The following FAM240B variants were observed in gnomAD, a reference collection of about 807,000 sequenced individuals.
FAM240B encodes the protein family with sequence similarity 240 member B.
At chr9:38,712,666 G>T (rs1307980777) in intron 1 of FAM240B, among the ~76,000 whole-genome samples, 1 of 152,202 alleles carries the variant, frequency 6.6e-6, no homozygotes, top group Non-Finnish European at 1.5e-5. Flanking sequence ...CATCACAGAA[G>T]TGACAGTGAA....
intron 1 of FAM240B, among the ~76,000 whole-genome samples, chr9:38,717,672 C>T (rs1457956145): frequency 2.0e-5 from 3 of 151,586 alleles, no homozygotes; most frequent in Non-Finnish European, 4.4e-5. Flanking sequence ...TTAGTAGAGA[C>T]GGGGTTTCAC....
chr9:38,713,204 C>T (rs558989243), intron 1 of FAM240B, among the ~76,000 whole-genome samples: 15 of 152,038 alleles, frequency 9.9e-5, no homozygotes, highest in East Asian at 1.9e-4. Flanking sequence ...TTCGGCCGGG[C>T]GCAGTGGCTC....
intron 1 of FAM240B, among the ~76,000 whole-genome samples, chr9:38,713,083 C>A (rs545788586): frequency 7.2e-5 from 11 of 152,246 alleles, no homozygotes; most frequent in African/African-American, 2.6e-4. Flanking sequence ...GCTCAGGGAG[C>A]CTTGCTGACT....
intron 1 of FAM240B, among the ~76,000 whole-genome samples, chr9:38,713,096 A>T (rs1174610864): frequency 3.9e-5 from 6 of 152,162 alleles, no homozygotes; most frequent in Admixed American, 2.6e-4. Flanking sequence ...TGCTGACTAA[A>T]TCAAATAGGA....
At chr9:38,718,421 C>T (rs1271289078) in intron 1 of FAM240B, among the ~76,000 whole-genome samples, 1 of 152,134 alleles carries the variant, frequency 6.6e-6, no homozygotes, top group Non-Finnish European at 1.5e-5. Flanking sequence ...CTTTCAGTCT[C>T]AATGACATAA....
chr9:38,704,126 G>A (rs1157715207), intron 1 of FAM240B, 124 bp from the exon 2 acceptor site: 3 of 372,386 alleles, frequency 8.1e-6, no homozygotes, highest in South Asian at 1.5e-4. Context: ...TTTTTTTTTG[G>A]TGACTGTAGA....
At position 38,713,196 on chromosome 9, in the gene FAM240B, C is replaced by T. The variant is rs148513560; in HGVS notation, c.-4+6826G>A. Among the ~76,000 whole-genome samples the T allele has an allele frequency of 2.0e-4, 30 of 152,098 alleles. No individual in the cohort carries two copies. The East Asian group carries it at 4.8e-3, about 25-fold the overall frequency. On this transcript the variant is annotated intron_variant, in intron 1 of 2. Transcript: ENST00000637493. Reference sequence around the variant, plus strand: ...TCAGTCTAGTTCAAGAATTAGATTTCGGCCGGGCGCAGTGGCTCACGCCTG... The same window carrying T: ...TCAGTCTAGTTCAAGAATTAGATTTTGGCCGGGCGCAGTGGCTCACGCCTG...
At chr9:38,696,396 T>A (rs951452215) in intron 2 of FAM240B, among the ~76,000 whole-genome samples, 2 of 152,098 alleles carry the variant, frequency 1.3e-5, no homozygotes, top group African/African-American at 4.8e-5. Flanking sequence ...GAAAACTTCT[T>A]ACTTACAACT....
chr9:38,714,476 C>T (rs965633998), intron 1 of FAM240B, among the ~76,000 whole-genome samples: 2 of 152,108 alleles, frequency 1.3e-5, no homozygotes, highest in South Asian at 4.1e-4. Context: ...GAGTTAAGTC[C>T]CCCTCCCCTT....
intron 1 of FAM240B, among the ~76,000 whole-genome samples, chr9:38,716,436 C>G (rs547959831): frequency 6.6e-6 from 1 of 151,972 alleles, no homozygotes; most frequent in East Asian, 2.0e-4. Context: ...CGTGCCACAG[C>G]ACTCTAGCTT....
chr9:38,719,591 C>T (rs1206455194), intron 1 of FAM240B, among the ~76,000 whole-genome samples: 1 of 152,034 alleles, frequency 6.6e-6, no homozygotes, highest in Non-Finnish European at 1.5e-5. Context: ...AAGTAAAAAC[C>T]CCAAATTCAT....
Position 38,713,419 on chromosome 9 carries a change from A to G in FAM240B, c.-4+6603T>C, listed in dbSNP as rs1441371922. ...CGTGAACCTGGGAGGGAGAGCTTGC[A>G]GTGAGCCGAGATCACGCCACTGCAC... On this transcript the variant is annotated intron_variant, in intron 1 of 2. Transcript: ENST00000637493. Among the ~76,000 whole-genome samples, 4 of 137,872 alleles carry G rather than the reference A, an allele frequency of 2.9e-5. No individual in the cohort carries two copies. In the Admixed American group the frequency reaches 3.3e-4, roughly 12 times the overall value. 90.4% of individuals were successfully genotyped at this position (137,872 alleles called of 152,430 possible). A position where few individuals can be genotyped will look rare whatever the true frequency, so the allele number is the denominator to read the frequency against.
At chr9:38,711,332 C>A (rs1821253222) in intron 1 of FAM240B, among the ~76,000 whole-genome samples, 1 of 152,222 alleles carries the variant, frequency 6.6e-6, no homozygotes, top group African/African-American at 2.4e-5. Context: ...CACTGTCACT[C>A]CATTTCCACT....
At chr9:38,702,890 T>G (rs1821147224) in intron 2 of FAM240B, among the ~76,000 whole-genome samples, 1 of 152,218 alleles carries the variant, frequency 6.6e-6, no homozygotes, top group African/African-American at 2.4e-5. Context: ...ACAGATTGTT[T>G]TAGTTTATCA....
chr9:38,710,398 T>A (rs1383706160), intron 1 of FAM240B, among the ~76,000 whole-genome samples: 1 of 152,248 alleles, frequency 6.6e-6, no homozygotes, highest in East Asian at 1.9e-4. Flanking sequence ...GCAGGAAATT[T>A]AAATAACTGT....
intron 1 of FAM240B, among the ~76,000 whole-genome samples, chr9:38,717,761 C>T (rs1821325506): frequency 6.6e-6 from 1 of 152,118 alleles, no homozygotes; most frequent in South Asian, 2.1e-4. Context: ...GGATTACAAG[C>T]GTGAGCCACT....
At chr9:38,714,818 T>C (rs2119014357) in intron 1 of FAM240B, among the ~76,000 whole-genome samples, 1 of 152,334 alleles carries the variant, frequency 6.6e-6, no homozygotes, top group South Asian at 2.1e-4. Context: ...TAAGGAGATA[T>C]GATTGATAGA....
At chr9:38,718,105 C>T (rs1321146005) in intron 1 of FAM240B, among the ~76,000 whole-genome samples, 2 of 152,148 alleles carry the variant, frequency 1.3e-5, no homozygotes, top group East Asian at 1.9e-4. Flanking sequence ...AAAATATTTG[C>T]TTGTCAGCAT....
intron 2 of FAM240B, among the ~76,000 whole-genome samples, chr9:38,700,281 CT>C (rs1821110959): frequency 6.6e-6 from 1 of 152,182 alleles, no homozygotes; most frequent in African/African-American, 2.4e-5. Flanking sequence ...TTGCCTGAAG[CT>C]GAAAATATCC....
Sources: allele counts gnomAD v4.1 joint callset (sites outside exome capture counted in the v4.1 genomes callset), GRCh38; gene constraint gnomAD v4.1.1; transcripts MANE v1.5; gene names NCBI Gene and HGNC (gene_info 2026-07-23, HGNC 2026-07-21).